PHACTR2: variants seen among roughly 807,000 people sequenced by gnomAD.
PHACTR2 encodes chromosome 6 open reading frame 56.
In PHACTR2, 30 loss-of-function variants were observed where a neutral mutation model predicts 76.0. The observed-to-expected ratio is 0.39, with a 90% confidence interval of 0.30 to 0.54. The LOEUF is 0.54. PHACTR2 is among the 20% of genes least tolerant of loss of function. PHACTR2 has a pLI of 0.61. For missense variants in PHACTR2, 696 were observed against 781.1 expected, an observed-to-expected ratio of 0.89 and a Z score of 1.30; for synonymous variants, 292 against 292.5, an observed-to-expected ratio of 1.00 and a Z score of 0.02.
chr6:143,614,199 G>C (rs769293598), intron 1 of PHACTR2, among the ~76,000 whole-genome samples: 9 of 152,198 alleles, frequency 5.9e-5, no homozygotes, highest in Non-Finnish European at 1.0e-4. Flanking sequence ...TCCAGCCTGG[G>C]TGACAGAGTG....
intron 2 of PHACTR2, among the ~76,000 whole-genome samples, chr6:143,715,336 A>AC (rs1778278263): frequency 6.6e-6 from 1 of 151,546 alleles, no homozygotes. Context: ...ATCACCCCTA[A>AC]CCCCCAGCAG....
At chr6:143,629,244 GAGAT>G (rs1582715761) in intron 1 of PHACTR2, among the ~76,000 whole-genome samples, 1 of 151,990 alleles carries the variant, frequency 6.6e-6, no homozygotes, top group African/African-American at 2.4e-5. Flanking sequence ...GAGGGGGAAA[GAGAT>G]AGACATCTAA....
chr6:143,756,623 C>A (rs1160443134), intron 4 of PHACTR2, among the ~76,000 whole-genome samples: 1 of 150,432 alleles, frequency 6.6e-6, no homozygotes, highest in Admixed American at 6.6e-5. Context: ...GGCGTGAACC[C>A]GGGAGGCGGA....
intron 1 of PHACTR2, among the ~76,000 whole-genome samples, chr6:143,566,180 C>T (rs1775360177): frequency 6.6e-6 from 1 of 152,092 alleles, no homozygotes; most frequent in Admixed American, 6.5e-5. Context: ...CCCAAGCTGG[C>T]CTTGAACTCC....
At position 143,803,747 on chromosome 6, in the gene PHACTR2, T is replaced by C. The variant is rs1371269392; in HGVS notation, c.1846-3310T>C. ...GACATTTTCAGCAATAGAGAAATAC[T>C]GTATTTTGTAAATAGGAATACCACT... On this transcript the variant is annotated intron_variant, in intron 11 of 12. Coordinates refer to ENST00000440869, the MANE Select transcript of PHACTR2 (RefSeq NM_001100164.2). The surrounding 1 kb of genome is among the most constrained non-coding windows in gnomAD (Gnocchi z 4.7). Among the ~76,000 whole-genome samples the C allele has an allele frequency of 6.6e-6, 1 of 152,224 alleles. No individual in the cohort carries two copies. Among genetic ancestry groups the C allele is most frequent in the Admixed American group, 6.5e-5 (1 of 15,288 alleles).
chr6:143,790,818 C>T (rs1004444619), intron 11 of PHACTR2, among the ~76,000 whole-genome samples: 6 of 151,962 alleles, frequency 3.9e-5, no homozygotes, highest in East Asian at 1.9e-4. Context: ...GGACTACAGG[C>T]GCCCGCCACC....
Position 143,688,166 on chromosome 6 carries a change from A to G in PHACTR2, c.46+9957A>G. On this transcript the variant is annotated intron_variant, in intron 1 of 12. Coordinates refer to ENST00000440869, the MANE Select transcript of PHACTR2 (RefSeq NM_001100164.2). This position sits in a 1 kb window ranked among gnomAD's most constrained non-coding sequence, Gnocchi z 5.2. ...AATACTGAAAGCCACAGGCAATGGG[A>G]ACCACTGACGCTTTTTTTTTTTTAA... 7.4e-6 allele frequency among the ~76,000 whole-genome samples: 1 copy of G among 134,806 alleles called. No individual in the cohort carries two copies. The highest frequency in any genetic ancestry group is 2.1e-4 in the East Asian group (1 of 4,686). The allele number at this position is 134,806 out of a possible 152,430, so 88.4% of individuals were successfully genotyped here.
intron 1 of PHACTR2, among the ~76,000 whole-genome samples, chr6:143,704,095 C>G (rs9496741): frequency 9.7e-5 from 14 of 144,192 alleles, no homozygotes; most frequent in Admixed American, 2.1e-4. Flanking sequence ...GTGTGTGTGT[C>G]TGTGTGTGTG....
At chr6:143,575,270 CA>C (rs1301281559) in intron 1 of PHACTR2, among the ~76,000 whole-genome samples, 1 of 152,184 alleles carries the variant, frequency 6.6e-6, no homozygotes, top group Admixed American at 6.5e-5. Flanking sequence ...TTCTCTTTTA[CA>C]AAAAGTCTTT....
rs1377296528 is a variant in PHACTR2 at position 143,608,290 on chromosome 6, C to T, written c.-20C>T. On this transcript the variant is annotated 5_prime_UTR_variant, in exon 1 of 12. Coordinates refer to the PHACTR2 transcript ENST00000305766. This position sits in a 1 kb window ranked among gnomAD's most constrained non-coding sequence, Gnocchi z 4.6. The stretch of plus-strand genomic sequence containing the variant: ...TTCCCGGCTGCCAGGCTACAGAACT[C>T]GCCTCGCCACTCCTGAGACATGGAC... 4 of 1,613,932 alleles carry T rather than the reference C, an allele frequency of 2.5e-6. No individual in the cohort carries two copies. Among genetic ancestry groups the T allele is most frequent in the East Asian group, 2.2e-5 (1 of 44,882 alleles).
intron 2 of PHACTR2, among the ~76,000 whole-genome samples, chr6:143,714,754 G>T (rs141963727): frequency 6.6e-6 from 1 of 152,236 alleles, no homozygotes; most frequent in East Asian, 1.9e-4. Flanking sequence ...CTGCATGAGA[G>T]GTCCCACGTA....
rs916914435 is a variant in PHACTR2 at position 143,621,161 on chromosome 6, G to T, written c.13+12839G>T. Among the ~76,000 whole-genome samples, 24 of 152,222 alleles carry T rather than the reference G, an allele frequency of 1.6e-4. No homozygotes were observed. The highest frequency in any genetic ancestry group is 5.8e-4 in the African/African-American group (24 of 41,462). Reference sequence around the variant, plus strand: ...AGCTTGGAAATCCAGTTTCAGAGAAGGGATTGGAGGATTGGGTAGGGAATG... The same window carrying T: ...AGCTTGGAAATCCAGTTTCAGAGAATGGATTGGAGGATTGGGTAGGGAATG... On this transcript the variant is annotated intron_variant, in intron 1 of 11. Transcript: ENST00000305766. This position sits in a 1 kb window ranked among gnomAD's most constrained non-coding sequence, Gnocchi z 4.1.
chr6:143,749,521 T>A (rs1779140958), intron 3 of PHACTR2, among the ~76,000 whole-genome samples: 1 of 152,128 alleles, frequency 6.6e-6, no homozygotes, highest in African/African-American at 2.4e-5. Context: ...TTGCACTCTA[T>A]AATAACACTG....
In PHACTR2 at chr6:143,710,785, T is replaced by C. The variant is rs770652114; in HGVS notation, c.47-1231T>C. Among the ~76,000 whole-genome samples the C allele has an allele frequency of 2.8e-4, 42 of 152,244 alleles. No individual in the cohort carries two copies. Among genetic ancestry groups the C allele is most frequent in the Non-Finnish European group, 5.0e-4 (34 of 68,048 alleles). ...TTTTTATTTGTTTTACTATGACCAA[T>C]ATTATATTAAGAAAGTTGTTAAAAA... is the stretch of plus-strand genomic sequence containing the variant. On this transcript the variant is annotated intron_variant, in intron 1 of 12. Coordinates refer to ENST00000440869, the MANE Select transcript of PHACTR2 (RefSeq NM_001100164.2). This position sits in a 1 kb window ranked among gnomAD's most constrained non-coding sequence, Gnocchi z 4.9.
intron 6 of PHACTR2, among the ~76,000 whole-genome samples, chr6:143,766,829 T>G (rs1448986777): frequency 6.6e-6 from 1 of 152,224 alleles, no homozygotes; most frequent in Non-Finnish European, 1.5e-5. Context: ...ATATTAGCCC[T>G]GTCTCACGAG....
chr6:143,814,139 T>A (rs568082743), intron 12 of PHACTR2, among the ~76,000 whole-genome samples: 4 of 152,164 alleles, frequency 2.6e-5, no homozygotes, highest in Admixed American at 2.6e-4. Context: ...GAGGATCACA[T>A]GAGGTCAGGA....
rs1775543935 is a variant in PHACTR2 at position 143,578,913 on chromosome 6, T to TTTG, written c.217+41713_217+41715dup. ...TAATCCTGCCCCCAAAACTTTTTTT[T>TTTG]TTGTTGTTGAGACAGGATCTTGTTC... On this transcript the variant is annotated intron_variant, in intron 1 of 11. Transcript: ENST00000367584. The surrounding 1 kb of genome is among the most constrained non-coding windows in gnomAD (Gnocchi z 4.5). Among the ~76,000 whole-genome samples, 1 of 151,780 alleles carries TTTG rather than the reference T, an allele frequency of 6.6e-6. No homozygotes were observed. The highest frequency in any genetic ancestry group is 2.4e-5 in the African/African-American group (1 of 41,266).
rs1777758530 is a variant in PHACTR2 at position 143,695,834 on chromosome 6, T to G, written c.47-16182T>G. On this transcript the variant is annotated intron_variant, in intron 1 of 12. Transcript: ENST00000440869. This position sits in a 1 kb window ranked among gnomAD's most constrained non-coding sequence, Gnocchi z 4.4. ...CATTAGGCACATGTGGAAACAACAGTAAAATGCAACTTCCTGTGTTTAGCA... is the reference window on the plus strand; with the variant it reads ...CATTAGGCACATGTGGAAACAACAGGAAAATGCAACTTCCTGTGTTTAGCA... Among the ~76,000 whole-genome samples the G allele has an allele frequency of 6.6e-6, 1 of 152,236 alleles. No individual in the cohort carries two copies. Among genetic ancestry groups the G allele is most frequent in the Non-Finnish European group, 1.5e-5 (1 of 68,042 alleles).
Position 143,760,497 on chromosome 6 carries a change from C to T in PHACTR2, c.551C>T (p.Pro184Leu). 4.3e-6 allele frequency: 7 copies of T among 1,613,964 alleles called. No individual in the cohort carries two copies. Among genetic ancestry groups the T allele is most frequent in the Non-Finnish European group, 5.9e-6 (7 of 1,179,852 alleles). The change falls in exon 5 of 13, where the codon CCT (proline) becomes CTT (leucine). Residue 184 changes from proline (P) to leucine (L), a missense_variant. Pro to Leu is a moderately conservative substitution (Grantham distance 98). Coordinates refer to ENST00000440869, the MANE Select transcript of PHACTR2 (RefSeq NM_001100164.2). The surrounding 1 kb of genome is among the most constrained non-coding windows in gnomAD (Gnocchi z 6.4). ...PRPKPKPKKS[P>L]VPPKGATAGA... ...CCCAAACCTAAACCCAAAAAATCACCTGTGCCTCCGAAAGGGGCCACTGCT... is the reference window on the plus strand; with the variant it reads ...CCCAAACCTAAACCCAAAAAATCACTTGTGCCTCCGAAAGGGGCCACTGCT...
Sources: allele counts gnomAD v4.1 joint callset (sites outside exome capture counted in the v4.1 genomes callset), GRCh38; gene constraint gnomAD v4.1.1; non-coding constraint Gnocchi (gnomAD v3.1); transcripts MANE v1.5; gene names NCBI Gene and HGNC (gene_info 2026-07-23, HGNC 2026-07-21).